Variants in PTPRD observed in about 807,000 individuals in gnomAD.
The protein encoded by PTPRD is receptor-type tyrosine-protein phosphatase delta.
A neutral mutation model predicts 214.5 loss-of-function variants in PTPRD; 34 were observed. The observed-to-expected ratio is 0.16, with a 90% CI of 0.12 to 0.21. The LOEUF (loss-of-function observed/expected upper bound fraction) is 0.21. PTPRD is among the 10% of genes least tolerant of loss of function. PTPRD has a pLI of 1.00. For synonymous variants in PTPRD, 1,128 were observed against 845.7 expected, an observed-to-expected ratio of 1.33 and a Z score of -5.79; for missense variants, 2,545 against 2,398.7, an observed-to-expected ratio of 1.06 and a Z score of -1.27.
At chr9:8,347,990 G>C (rs921650950) in intron 39 of PTPRD, among the ~76,000 whole-genome samples, 2 of 152,082 alleles carry the variant, frequency 1.3e-5, no homozygotes, top group African/African-American at 4.8e-5. Flanking sequence ...ATACCTAAAG[G>C]TCAAGTAACT....
chr9:8,392,933 CTAAAGT>C (rs1424946265), intron 36 of PTPRD, among the ~76,000 whole-genome samples: 4 of 152,094 alleles, frequency 2.6e-5, no homozygotes, highest in South Asian at 4.1e-4. Context: ...AGATTGGAAG[CTAAAGT>C]TAATCAGCAG....
At chr9:8,656,381 C>T (rs2096909675) in intron 12 of PTPRD, among the ~76,000 whole-genome samples, 1 of 152,180 alleles carries the variant, frequency 6.6e-6, no homozygotes, top group African/African-American at 2.4e-5. Context: ...ATGCCTTCTC[C>T]TGGGTGAAAT....
intron 5 of PTPRD, among the ~76,000 whole-genome samples, chr9:9,871,878 A>C (rs1225009141): frequency 6.6e-6 from 1 of 152,206 alleles, no homozygotes; most frequent in Non-Finnish European, 1.5e-5. Context: ...GGAATGCATA[A>C]GTCTAACTAT....
chr9:8,665,021 C>G (rs866895533), intron 12 of PTPRD, among the ~76,000 whole-genome samples: 2 of 152,234 alleles, frequency 1.3e-5, no homozygotes, highest in South Asian at 2.1e-4. Flanking sequence ...ACACTAAAAT[C>G]TATCAGAGAA....
chr9:10,537,134 GA>G (rs2058007705), intron 2 of PTPRD, among the ~76,000 whole-genome samples: 1 of 152,080 alleles, frequency 6.6e-6, no homozygotes, highest in Non-Finnish European at 1.5e-5. Flanking sequence ...ACCAAATAAA[GA>G]TGCATGGCGA....
intron 4 of PTPRD, among the ~76,000 whole-genome samples, chr9:9,988,923 G>A (rs1376025946): frequency 7.2e-6 from 1 of 139,490 alleles, no homozygotes; most frequent in Non-Finnish European, 1.5e-5. Context: ...ACCAAAATGA[G>A]ACCAATTACC....
At chr9:9,506,224 T>C (rs2096567037) in intron 8 of PTPRD, among the ~76,000 whole-genome samples, 1 of 151,406 alleles carries the variant, frequency 6.6e-6, no homozygotes, top group South Asian at 2.1e-4. Flanking sequence ...CCATGTTTAT[T>C]ATACATTGCT....
At chr9:8,411,985 A>G (rs2093571433) in intron 35 of PTPRD, among the ~76,000 whole-genome samples, 1 of 152,248 alleles carries the variant, frequency 6.6e-6, no homozygotes, top group South Asian at 2.1e-4. Flanking sequence ...CAAATGTATT[A>G]GAAAGTTATT....
intron 9 of PTPRD, among the ~76,000 whole-genome samples, chr9:9,395,621 G>A (rs988626184): frequency 6.6e-6 from 1 of 151,976 alleles, no homozygotes; most frequent in Admixed American, 6.6e-5. Context: ...AGATTTCCTT[G>A]CACCAATTTC....
intron 12 of PTPRD, among the ~76,000 whole-genome samples, chr9:8,653,277 G>T (rs1244146816): frequency 6.6e-6 from 1 of 152,188 alleles, no homozygotes; most frequent in Non-Finnish European, 1.5e-5. Flanking sequence ...GGGGCTGCCA[G>T]AGCATCTTTC....
At chr9:8,435,445 A>C (rs572025501) in intron 35 of PTPRD, among the ~76,000 whole-genome samples, 1 of 152,314 alleles carries the variant, frequency 6.6e-6, no homozygotes, top group African/African-American at 2.4e-5. Context: ...AACGACTCCC[A>C]GTAAGTAAAT....
chr9:8,587,492 G>T (rs1282767554), intron 14 of PTPRD, among the ~76,000 whole-genome samples: 1 of 152,094 alleles, frequency 6.6e-6, no homozygotes, highest in Admixed American at 6.5e-5. Context: ...CAAACTTGTA[G>T]AATTCGAAAA....
chr9:8,704,192 A>C (rs1550002), intron 12 of PTPRD, among the ~76,000 whole-genome samples: 24,034 of 151,978 alleles, frequency 0.16, 2,202 homozygotes, highest in East Asian at 0.35. Context: ...GGCAAAGTTC[A>C]CACTCCACAC....
chr9:8,551,718 G>C (rs1023736879), intron 14 of PTPRD, among the ~76,000 whole-genome samples: 1 of 152,146 alleles, frequency 6.6e-6, no homozygotes, highest in Admixed American at 6.5e-5. Context: ...AAAGTTTATA[G>C]GTGTAATAAT....
chr9:8,500,050 C>G (rs1390949133), intron 24 of PTPRD, among the ~76,000 whole-genome samples: 1 of 78,338 alleles, frequency 1.3e-5, no homozygotes, highest in Non-Finnish European at 2.6e-5. Flanking sequence ...ATGACCGATG[C>G]AAAAAAAAAA....
intron 8 of PTPRD, among the ~76,000 whole-genome samples, chr9:9,407,261 T>G (rs2073818675): frequency 6.6e-6 from 1 of 151,914 alleles, no homozygotes; most frequent in Non-Finnish European, 1.5e-5. Flanking sequence ...TCATATATGA[T>G]AATTGTTTAC....
At chr9:10,003,710 G>T (rs1388044180) in intron 4 of PTPRD, among the ~76,000 whole-genome samples, 1 of 151,600 alleles carries the variant, frequency 6.6e-6, no homozygotes, top group African/African-American at 2.4e-5. Flanking sequence ...ACAATTTAAT[G>T]ATAATATAGC....
At chr9:10,593,059 A>C (rs922667708) in intron 2 of PTPRD, among the ~76,000 whole-genome samples, 5 of 152,038 alleles carry the variant, frequency 3.3e-5, no homozygotes, top group African/African-American at 1.2e-4. Flanking sequence ...ATCATTCTTG[A>C]AGTCAGCAAG....
rs145677982 is a variant in PTPRD, at chr9:8,665,421, G to C, written c.65-28577C>G. Among the ~76,000 whole-genome samples, 192 of 152,258 alleles carry C rather than the reference G, an allele frequency of 1.3e-3. 1 individual carries two copies. Among genetic ancestry groups the C allele is most frequent in the African/African-American group, 4.4e-3 (184 of 41,570 alleles). The stretch of plus-strand genomic sequence containing the variant: ...TGTAATTACTTCAAAACAGAGAAAA[G>C]AATTAAAAGGCAGGGTTTTTTGTTT... On this transcript the variant is annotated intron_variant, in intron 12 of 45. Coordinates refer to ENST00000381196, the MANE Select transcript of PTPRD (RefSeq NM_002839.4).
Sources: gnomAD v4.1 joint callset for allele counts (sites outside exome capture counted in the v4.1 genomes callset) on GRCh38, gnomAD v4.1.1 for gene constraint, MANE v1.5 for transcripts, NCBI Gene and HGNC (gene_info 2026-07-23, HGNC 2026-07-21) for gene names.